Variants in LDLRAD3 observed in about 807,000 individuals in gnomAD.
LDLRAD3 encodes low density lipoprotein receptor class A domain containing 3, also known as low-density lipoprotein receptor class A domain-containing protein 3.
A neutral mutation model predicts 29.4 loss-of-function variants in LDLRAD3; 20 were observed. The ratio of observed to expected loss-of-function variants is 0.68; its 90% CI spans 0.48 to 0.99. The LOEUF (loss-of-function observed/expected upper bound fraction) is 0.99, where lower values mean the gene tolerates loss of function less well. LDLRAD3 is among the 50% of genes least tolerant of loss of function. LDLRAD3 has a pLI of 0.00. For missense variants in LDLRAD3, 420 were observed against 454.3 expected, an observed-to-expected ratio of 0.92 and a Z score of 0.69; for synonymous variants, 157 against 192.7, an observed-to-expected ratio of 0.81 and a Z score of 1.53.
intron 2 of LDLRAD3, among the ~76,000 whole-genome samples, chr11:36,066,033 C>T (rs543257951): frequency 2.0e-5 from 3 of 152,110 alleles, no homozygotes; most frequent in Non-Finnish European, 4.4e-5. Flanking sequence ...AAAAGTAAAC[C>T]CTTCTTCTTT....
At chr11:36,221,474 A>G (rs917802061) in intron 4 of LDLRAD3, among the ~76,000 whole-genome samples, 3 of 152,118 alleles carry the variant, frequency 2.0e-5, no homozygotes, top group African/African-American at 7.2e-5. Flanking sequence ...CCTGAACCCC[A>G]AGAAGCACCT....
chr11:36,055,593 C>T (rs1220174862), intron 2 of LDLRAD3, among the ~76,000 whole-genome samples: 5 of 152,228 alleles, frequency 3.3e-5, no homozygotes, highest in Non-Finnish European at 7.3e-5. Context: ...CCCAGAAGGG[C>T]CAGTCTTCCC....
At chr11:35,988,479 A>G (rs999613288) in intron 1 of LDLRAD3, among the ~76,000 whole-genome samples, 1 of 152,160 alleles carries the variant, frequency 6.6e-6, no homozygotes, top group Non-Finnish European at 1.5e-5. Context: ...CATTTGTGGG[A>G]TGCATAGTTT....
chr11:36,183,186 C>A (rs1168502125), intron 4 of LDLRAD3, among the ~76,000 whole-genome samples: 2 of 152,176 alleles, frequency 1.3e-5, no homozygotes, highest in African/African-American at 4.8e-5. Flanking sequence ...CCTAGACACA[C>A]GGTGTTAGTT....
chr11:36,129,698 C>T (rs376472489), intron 4 of LDLRAD3, among the ~76,000 whole-genome samples: 48 of 152,038 alleles, frequency 3.2e-4, no homozygotes, highest in African/African-American at 1.1e-3. Flanking sequence ...GGAGGCATCC[C>T]AGCTGAAACA....
At chr11:36,002,614 G>A (rs12281629) in intron 1 of LDLRAD3, among the ~76,000 whole-genome samples, 1 of 152,076 alleles carries the variant, frequency 6.6e-6, no homozygotes, top group Non-Finnish European at 1.5e-5. Context: ...CATCAGGCCC[G>A]TCCTGGACTG....
chr11:36,099,864 G>A (rs1340151604), intron 4 of LDLRAD3, among the ~76,000 whole-genome samples: 2 of 152,212 alleles, frequency 1.3e-5, no homozygotes, highest in African/African-American at 4.8e-5. Flanking sequence ...CAAGATTTGT[G>A]CAGAGAACAG....
chr11:35,989,482 A>G (rs1851660886), intron 1 of LDLRAD3, among the ~76,000 whole-genome samples: 1 of 152,170 alleles, frequency 6.6e-6, no homozygotes. Context: ...CATTTTAACA[A>G]TGTTGATTAT....
At chr11:36,112,678 CTA>C (rs1480251481) in intron 4 of LDLRAD3, among the ~76,000 whole-genome samples, 10 of 152,180 alleles carry the variant, frequency 6.6e-5, no homozygotes, top group African/African-American at 2.4e-4. Flanking sequence ...CCTTAGGATG[CTA>C]AGCAAATCAT....
At chr11:36,116,543 C>T (rs1204854627) in intron 4 of LDLRAD3, among the ~76,000 whole-genome samples, 2 of 152,202 alleles carry the variant, frequency 1.3e-5, no homozygotes, top group Non-Finnish European at 2.9e-5. Context: ...AGCTGAATCT[C>T]GTATTAGCCT....
intron 1 of LDLRAD3, among the ~76,000 whole-genome samples, chr11:35,989,932 G>C (rs537971532): frequency 5.3e-5 from 8 of 152,190 alleles, no homozygotes; most frequent in Non-Finnish European, 1.2e-4. Flanking sequence ...AAGACTTCCA[G>C]GGATCATCTG....
At chr11:36,019,051 G>A (rs1446892378) in intron 1 of LDLRAD3, among the ~76,000 whole-genome samples, 4 of 152,058 alleles carry the variant, frequency 2.6e-5, no homozygotes, top group Non-Finnish European at 4.4e-5. Flanking sequence ...CTTCTTTCTG[G>A]CATTGAAGGC....
intron 4 of LDLRAD3, among the ~76,000 whole-genome samples, chr11:36,214,678 C>G (rs1029805199): frequency 1.3e-5 from 2 of 152,178 alleles, no homozygotes; most frequent in East Asian, 1.9e-4. Context: ...CCAGACAGAC[C>G]TGGGCTCGTG....
At chr11:36,076,763 CT>C (rs1242253048) in intron 2 of LDLRAD3, among the ~76,000 whole-genome samples, 5 of 152,176 alleles carry the variant, frequency 3.3e-5, no homozygotes, top group Non-Finnish European at 7.3e-5. Flanking sequence ...TTGTTCACCC[CT>C]AGTGCACCCA....
chr11:36,002,274 T>A (rs1185659142), intron 1 of LDLRAD3, among the ~76,000 whole-genome samples: 1 of 152,152 alleles, frequency 6.6e-6, no homozygotes, highest in Non-Finnish European at 1.5e-5. Flanking sequence ...ATCAGAAAAA[T>A]CCCCAGAAAT....
chr11:36,007,235 A>T (rs1851896400), intron 1 of LDLRAD3, among the ~76,000 whole-genome samples: 1 of 152,224 alleles, frequency 6.6e-6, no homozygotes, highest in Admixed American at 6.5e-5. Flanking sequence ...TCTACTAGTG[A>T]GAGAAGGTGT....
At chr11:36,206,836 C>T (rs192817412) in intron 4 of LDLRAD3, among the ~76,000 whole-genome samples, 3 of 151,318 alleles carry the variant, frequency 2.0e-5, no homozygotes, top group Non-Finnish European at 1.5e-5. Flanking sequence ...AAGCAATTCT[C>T]CTGCCTCAGC....
chr11:36,101,133 G>A (rs1299635214), intron 4 of LDLRAD3, among the ~76,000 whole-genome samples: 1 of 152,128 alleles, frequency 6.6e-6, no homozygotes, highest in African/African-American at 2.4e-5. Flanking sequence ...TAGAAAATAA[G>A]CTACATATGC....
Position 36,076,218 on chromosome 11 carries a change from A to ATCTG in LDLRAD3, c.194-5433_194-5432insTGTC, listed in dbSNP as rs1554962922. 1.7e-3 allele frequency among the ~76,000 whole-genome samples: 227 copies of ATCTG among 129,872 alleles called. 1 individual carries two copies. Among genetic ancestry groups the ATCTG allele is most frequent in the African/African-American group, 6.7e-3 (220 of 32,994 alleles). The allele number at this position is 129,872 out of a possible 152,430, so 85.2% of individuals were successfully genotyped here. ...AATATTTATTTTTGTCTGTCTGTCC[A>ATCTG]TCCGTCCATCCATCCATCCATCCAT... On this transcript the variant is annotated intron_variant, in intron 2 of 5. Coordinates refer to ENST00000315571, the MANE Select transcript of LDLRAD3 (RefSeq NM_174902.4).
Sources: gnomAD v4.1 joint callset for allele counts (sites outside exome capture counted in the v4.1 genomes callset) on GRCh38, gnomAD v4.1.1 for gene constraint, MANE v1.5 for transcripts, NCBI Gene and HGNC (gene_info 2026-07-23, HGNC 2026-07-21) for gene names.